MASP2: variants seen among roughly 807,000 people sequenced by gnomAD.
The protein encoded by MASP2 is MBL associated serine protease 2.
A neutral mutation model predicts 57.1 loss-of-function variants in MASP2; 49 were observed. That is an observed-to-expected ratio of 0.86 (90% CI 0.68 to 1.09). MASP2 has a LOEUF of 1.09. Ranked by LOEUF, MASP2 falls within the 50% of genes least tolerant of loss-of-function variation. The pLI is 0.00. For missense variants in MASP2, 900 were observed against 874.8 expected (o/e 1.03, Z -0.36); for synonymous variants, 379 against 340.8 (o/e 1.11, Z -1.24).
chr1:11,028,574 T>G (rs1018285630), intron 10 of MASP2, among the ~76,000 whole-genome samples: 1 of 152,200 alleles, frequency 6.6e-6, no homozygotes, highest in South Asian at 2.1e-4. Context: ...GCATATATGT[T>G]TGCTGTTGTG....
intron 8 of MASP2, among the ~76,000 whole-genome samples, chr1:11,032,270 T>C (rs75260969): frequency 0.014 from 2,131 of 152,260 alleles, 25 homozygotes; most frequent in Non-Finnish European, 0.022. Context: ...TAGTGTATAC[T>C]TGCTCACACA....
intron 10 of MASP2, 151 bp downstream of exon 10, chr1:11,030,025 A>G (rs1431374053): frequency 1.5e-5 from 9 of 587,750 alleles, no homozygotes; most frequent in Non-Finnish European, 2.4e-5. Flanking sequence ...GAAGGGGGTA[A>G]TGAGAACATA....
At chr1:11,039,708 G>T (rs1277300973) in intron 6 of MASP2, among the ~76,000 whole-genome samples, 2 of 151,958 alleles carry the variant, frequency 1.3e-5, no homozygotes, top group Non-Finnish European at 2.9e-5. Flanking sequence ...AGAAGGATGG[G>T]TGGGTGGATA....
At chr1:11,030,547 C>T (rs566920863) in intron 9 of MASP2, 22 of 591,390 alleles carry the variant, frequency 3.7e-5, no homozygotes, top group Non-Finnish European at 6.4e-5. Context: ...TTGTAGTAGT[C>T]ATTTACTAGA....
chr1:11,043,620 A>C (rs1482452221), intron 4 of MASP2, 85 bp from the exon 5 acceptor site: 2 of 914,012 alleles, frequency 2.2e-6, no homozygotes, highest in Non-Finnish European at 3.3e-6. Flanking sequence ...CTTGGGGAGC[A>C]GGAAACTGGG....
In MASP2 at chr1:11,046,889, A is replaced by C; in HGVS notation, c.234+2T>G. On this transcript the variant is annotated splice_donor_variant, in intron 2 of 10. Coordinates refer to ENST00000400897, the MANE Select transcript of MASP2 (RefSeq NM_006610.4). LOFTEE classifies it high-confidence loss of function. Reference sequence around the variant, plus strand: ...ACCCCAGCCCTCCCGTCCTGACGGCACCTTGACGAAGTCGTACTCGCAGAG... The same window carrying C: ...ACCCCAGCCCTCCCGTCCTGACGGCCCCTTGACGAAGTCGTACTCGCAGAG... The C allele has an allele frequency of 6.4e-7, 1 of 1,563,462 alleles. No individual in the cohort carries two copies. The highest frequency in any genetic ancestry group is 8.7e-7 in the Non-Finnish European group (1 of 1,153,536).
chr1:11,037,803 A>G lies in MASP2; in HGVS notation c.898T>C (p.Cys300Arg). ...KIHYTSTAQPCPYPMAPPNGH... is the reference protein window; with the variant it reads ...KIHYTSTAQPRPYPMAPPNGH... ...TTAGGTGGCGCCATCGGATAAGGGC[A>G]AGGCTGCGCTGCGCAGAGGAAACCA... Residue 300 changes from cysteine (C) to arginine (R), a missense_variant, in exon 7 of 11, where the codon TGC becomes CGC. Transcript: ENST00000400897. 6.2e-7 allele frequency: 1 copy of G among 1,607,444 alleles called. No homozygotes were observed. Among genetic ancestry groups the G allele is most frequent in the South Asian group, 1.1e-5 (1 of 90,128 alleles).
At chr1:11,039,600 TG>T in intron 6 of MASP2, among the ~76,000 whole-genome samples, 1 of 89,412 alleles carries the variant, frequency 1.1e-5, no homozygotes, top group African/African-American at 4.4e-5. Flanking sequence ...GGATGGATGA[TG>T]GATGGATGGA....
chr1:11,034,832 G>C lies in MASP2; in HGVS notation c.1083C>G (p.Cys361Trp). 1 of 1,611,316 alleles carries C rather than the reference G, an allele frequency of 6.2e-7. No individual in the cohort carries two copies. Among genetic ancestry groups the C allele is most frequent in the Non-Finnish European group, 8.5e-7 (1 of 1,178,692 alleles). ...GTAGTCACCACACGACCGTACTGCTGCACGCGGGCATTGGCCGGTCCCAAG... is the reference window on the plus strand; with the variant it reads ...GTAGTCACCACACGACCGTACTGCTCCACGCGGGCATTGGCCGGTCCCAAG... ...DGSWDRPMPA[C>W]SIVDCGPPDD... The change falls in exon 8 of 11, where the codon TGC (cysteine) becomes TGG (tryptophan). Residue 361 changes from cysteine (C) to tryptophan (W), a missense_variant. By Grantham distance (215) the Cys-to-Trp change is radical (BLOSUM62 -2). Transcript: ENST00000400897.
rs1000611906 is a variant in MASP2, at chr1:11,046,617, G to C, written c.351C>G (p.Phe117Leu). 2.5e-6 allele frequency: 4 copies of C among 1,613,670 alleles called. No individual in the cohort carries two copies. Among genetic ancestry groups the C allele is most frequent in the Middle Eastern group, 1.6e-4 (1 of 6,084 alleles). ...YSLGSSLDIT[F>L]RSDYSNEKPF... ...GCTTCTCGTTGGAGTAGTCGGAGCG[G>C]AAGGTAATGTCCAGGCTGGAGCCCA... Residue 117 changes from phenylalanine to leucine, a missense_variant, in exon 3 of 11, where the codon TTC becomes TTG. Physicochemically the swap from Phe to Leu is conservative, Grantham distance 22. Transcript: ENST00000400897.
chr1:11,027,785 A>T, intron 10 of MASP2, 137 bp from the exon 11 acceptor site: 6 of 787,172 alleles, frequency 7.6e-6, no homozygotes, highest in African/African-American at 1.7e-5. Context: ...GACTACCTAT[A>T]CAGGCAAGTG....
chr1:11,036,535 AAAC>A (rs1557670957), intron 7 of MASP2, among the ~76,000 whole-genome samples: 8 of 139,562 alleles, frequency 5.7e-5, no homozygotes, highest in African/African-American at 2.1e-4. Flanking sequence ...AAAAAAAAAA[AAAC>A]AAAAAAAAAA....
intron 10 of MASP2, chr1:11,029,634 C>CTTTTTTTTTTTT (rs551910712): frequency 3.7e-5 from 3 of 80,954 alleles, no homozygotes; most frequent in Non-Finnish European, 6.5e-5. Flanking sequence ...TTTTTAAAAT[C>CTTTTTTTTTTTT]TTTTTTTTTT....
chr1:11,027,734 T>C lies in MASP2; in HGVS notation c.1298-86A>G, dbSNP rs1570733094. On this transcript the variant is annotated intron_variant, in intron 10 of 10. Coordinates refer to ENST00000400897, the MANE Select transcript of MASP2 (RefSeq NM_006610.4). ...AATTATGACCGCCTTGAAGTATATATTTGATGTCAACCAAAAATTATATTA... is the reference window on the plus strand; with the variant it reads ...AATTATGACCGCCTTGAAGTATATACTTGATGTCAACCAAAAATTATATTA... The C allele has an allele frequency of 4.2e-6, 6 of 1,430,478 alleles. No homozygotes were observed. In the East Asian group the frequency reaches 1.4e-4, roughly 33 times the overall value. The allele number at this position is 1,430,478 out of a possible 1,614,324, so 88.6% of individuals were successfully genotyped here. A position where few individuals can be genotyped will look rare whatever the true frequency, so the allele number is the denominator to read the frequency against.
chr1:11,026,962 C>G lies in MASP2; in HGVS notation c.1984G>C (p.Glu662Gln). 2.6e-6 allele frequency: 4 copies of G among 1,553,826 alleles called. No individual in the cohort carries two copies. The highest frequency in any genetic ancestry group is 3.5e-6 in the Non-Finnish European group (4 of 1,154,762). The change falls in exon 11 of 11, where the codon GAA becomes CAA. Residue 662 changes from glutamate to glutamine, a missense_variant. Glu to Gln is a conservative substitution (Grantham distance 29). Coordinates refer to ENST00000400897, the MANE Select transcript of MASP2 (RefSeq NM_006610.4). ...IVSWGSMNCG[E>Q]AGQYGVYTKV... is the part of the protein sequence containing the mutation. The stretch of plus-strand genomic sequence containing the variant: ...GTGTAGACTCCATACTGACCTGCTT[C>G]CCCACAATTCATGGAACCCCAGGAC...
Position 11,042,696 on chromosome 1 carries a change from G to A in MASP2, c.889+179C>T, listed in dbSNP as rs566605207. ...AGGATGGCTGGGTGGCTGGCTGGAGGGAGGGACAGCGGGTGCTTCCCCTTA... is the reference window on the plus strand; with the variant it reads ...AGGATGGCTGGGTGGCTGGCTGGAGAGAGGGACAGCGGGTGCTTCCCCTTA... On this transcript the variant is annotated intron_variant, in intron 6 of 10. Coordinates refer to ENST00000400897, the MANE Select transcript of MASP2 (RefSeq NM_006610.4). 2.0e-5 allele frequency among the ~76,000 whole-genome samples: 3 copies of A among 152,156 alleles called. No homozygotes were observed. In the East Asian group the frequency reaches 5.8e-4, roughly 29 times the overall value.
At chr1:11,037,594 C>G in intron 7 of MASP2, 99 bp downstream of exon 7, 4 of 725,596 alleles carry the variant, frequency 5.5e-6, no homozygotes, top group Non-Finnish European at 8.8e-6. Flanking sequence ...CATGCTGACA[C>G]ACGATTTTCT....
At position 11,047,109 on chromosome 1, in the gene MASP2, G is replaced by A; in HGVS notation, c.16C>T (p.Leu6Phe). 1 of 1,550,374 alleles carries A rather than the reference G, an allele frequency of 6.5e-7. No individual in the cohort carries two copies. The highest frequency in any genetic ancestry group is 8.7e-7 in the Non-Finnish European group (1 of 1,146,756). ...ACCGAGCCACACAGAAGGCCCAGGA[G>A]GGTCAGCAGCCTATGGGCAGGGCAG... MRLLT[L>F]LGLLCGSVAT... Residue 6 changes from leucine (L) to phenylalanine (F), a missense_variant, in exon 2 of 11, where the codon CTC (leucine) becomes TTC (phenylalanine). Physicochemically the swap from Leu to Phe is conservative, Grantham distance 22. Transcript: ENST00000400897.
chr1:11,030,895 C>T lies in MASP2; in HGVS notation c.1088-13G>A, dbSNP rs371941169. 32 of 1,609,502 alleles carry T rather than the reference C, an allele frequency of 2.0e-5. No homozygotes were observed. The highest frequency in any genetic ancestry group is 2.7e-5 in the Non-Finnish European group (32 of 1,178,274). ...CCACAGTCAACAACTAAGAAAGAAG[C>T]ATGGGAGGGAGGAATCCATTGATCA... On this transcript the variant is annotated splice_polypyrimidine_tract_variant and intron_variant, in intron 8 of 10. Coordinates refer to ENST00000400897, the MANE Select transcript of MASP2 (RefSeq NM_006610.4).
Sources: gnomAD v4.1 joint callset for allele counts (sites outside exome capture counted in the v4.1 genomes callset) on GRCh38, gnomAD v4.1.1 for gene constraint, MANE v1.5 for transcripts, NCBI Gene and HGNC (gene_info 2026-07-23, HGNC 2026-07-21) for gene names.